The following EFCAB8 variants were observed in gnomAD, a reference collection of about 807,000 sequenced individuals.
The protein encoded by EFCAB8 is EF-hand calcium binding domain 8.
A neutral mutation model predicts 116.3 loss-of-function variants in EFCAB8; 100 were observed. The ratio of observed to expected loss-of-function variants is 0.86; its 90% CI spans 0.73 to 1.02. The LOEUF (loss-of-function observed/expected upper bound fraction) is 1.02. Among genes scored for constraint, EFCAB8 ranks in the 50% least tolerant of loss-of-function variants. The pLI is 0.00. For missense variants in EFCAB8, 1,320 were observed against 1,416.9 expected, an observed-to-expected ratio of 0.93 and a Z score of 1.10; for synonymous variants, 558 against 567.9, an observed-to-expected ratio of 0.98 and a Z score of 0.25.
chr20:32,867,496 G>A, intron 2 of EFCAB8, 86 bp from the exon 3 acceptor site: 1 of 1,403,064 alleles, frequency 7.1e-7, no homozygotes, highest in Admixed American at 2.5e-5. Context: ...CTTTCTCAAA[G>A]AGTCTCTCTT....
At chr20:32,913,232 A>G (rs1000116044) in intron 17 of EFCAB8, among the ~76,000 whole-genome samples, 4 of 152,196 alleles carry the variant, frequency 2.6e-5, no homozygotes, top group Non-Finnish European at 5.9e-5. Flanking sequence ...AGATGGGGGA[A>G]GTTCCAGACA....
rs148774664 is a variant in EFCAB8, at chr20:32,959,061, G to A, written c.3089+511G>A. On this transcript the variant is annotated intron_variant, in intron 24 of 26. Transcript: ENST00000400522. ...CCACTGCATCTTTATTCCTGACCAA[G>A]TCTCCAGTAATTCTGGTTCATTCAA... is the stretch of plus-strand genomic sequence containing the variant. 1.2e-3 allele frequency among the ~76,000 whole-genome samples: 184 copies of A among 152,286 alleles called. 1 individual carries two copies. Among genetic ancestry groups the A allele is most frequent in the African/African-American group, 4.0e-3 (168 of 41,554 alleles).
At chr20:32,928,352 C>T (rs1330497415) in intron 20 of EFCAB8, among the ~76,000 whole-genome samples, 1 of 151,980 alleles carries the variant, frequency 6.6e-6, no homozygotes, top group African/African-American at 2.4e-5. Flanking sequence ...TTTCCTGCCT[C>T]AGCCTCATGG....
intron 20 of EFCAB8, among the ~76,000 whole-genome samples, chr20:32,925,742 T>A (rs1987644706): frequency 6.6e-6 from 1 of 152,222 alleles, no homozygotes; most frequent in Admixed American, 6.5e-5. Context: ...TGCTCCAAGT[T>A]ACATGAAGTT....
At chr20:32,867,180 G>A (rs201012349) in intron 2 of EFCAB8, among the ~76,000 whole-genome samples, 2 of 152,114 alleles carry the variant, frequency 1.3e-5, no homozygotes, top group South Asian at 2.1e-4. Flanking sequence ...TCGGCCTCCC[G>A]AAGTGCTGGG....
intron 12 of EFCAB8, 25 bp from the exon 13 acceptor site, chr20:32,906,818 A>T: frequency 8.4e-7 from 1 of 1,190,330 alleles, no homozygotes; most frequent in Non-Finnish European, 1.2e-6. Flanking sequence ...GGCCCCTGGG[A>T]CTGACACCCA....
intron 23 of EFCAB8, among the ~76,000 whole-genome samples, chr20:32,944,843 C>G (rs1397704919): frequency 6.6e-6 from 1 of 151,948 alleles, no homozygotes; most frequent in East Asian, 1.9e-4. Context: ...ATATAGGTTT[C>G]TTTTCCTTTT....
At chr20:32,885,904 T>TA (rs1191284750) in intron 6 of EFCAB8, among the ~76,000 whole-genome samples, 5 of 152,224 alleles carry the variant, frequency 3.3e-5, no homozygotes, top group African/African-American at 1.2e-4. Context: ...AGGTGTCCCT[T>TA]TAGCTGTCCC....
At chr20:32,877,746 G>A (rs571839588) in intron 4 of EFCAB8, among the ~76,000 whole-genome samples, 1 of 152,312 alleles carries the variant, frequency 6.6e-6, no homozygotes, top group East Asian at 1.9e-4. Context: ...AGTTGCGCCA[G>A]TGGCCCTGGT....
At chr20:32,948,824 A>C (rs1394564786) in intron 23 of EFCAB8, among the ~76,000 whole-genome samples, 1 of 152,186 alleles carries the variant, frequency 6.6e-6, no homozygotes, top group Non-Finnish European at 1.5e-5. Context: ...TTCTGATAAA[A>C]AACATTTAGC....
chr20:32,960,743 C>T lies in EFCAB8; in HGVS notation c.3394-393C>T, dbSNP rs79776594. Among the ~76,000 whole-genome samples, 832 of 152,298 alleles carry T rather than the reference C, an allele frequency of 5.5e-3. 11 individuals carry two copies. Among genetic ancestry groups the T allele is most frequent in the African/African-American group, 0.019 (804 of 41,570 alleles). On this transcript the variant is annotated intron_variant, in intron 26 of 26. Transcript: ENST00000400522. The stretch of plus-strand genomic sequence containing the variant: ...CCCTTAAGAATAAATGAGATAACAC[C>T]GAAGGCCATGCCCCTGCAGGGCCCC...
chr20:32,869,349 T>C (rs563966827), intron 3 of EFCAB8, among the ~76,000 whole-genome samples: 1 of 152,124 alleles, frequency 6.6e-6, no homozygotes, highest in East Asian at 1.9e-4. Flanking sequence ...GATTCTCCTG[T>C]CTCAGCCTCC....
intron 22 of EFCAB8, among the ~76,000 whole-genome samples, chr20:32,935,792 C>T (rs1053550631): frequency 3.3e-5 from 5 of 152,056 alleles, no homozygotes; most frequent in African/African-American, 1.2e-4. Context: ...AGAGTGAGTG[C>T]ACCTGGCCCA....
At chr20:32,889,791 C>T (rs1351731366) in intron 7 of EFCAB8, among the ~76,000 whole-genome samples, 1 of 151,972 alleles carries the variant, frequency 6.6e-6, no homozygotes, top group East Asian at 1.9e-4. Context: ...CACCTGAGGT[C>T]AGGAGTTCAA....
intron 11 of EFCAB8, among the ~76,000 whole-genome samples, chr20:32,904,873 C>T (rs539437862): frequency 1.1e-4 from 16 of 152,030 alleles, no homozygotes; most frequent in South Asian, 6.2e-4. Context: ...GTGATCCGGC[C>T]GCCTTGGTCT....
chr20:32,888,895 T>C (rs34232014), intron 6 of EFCAB8, among the ~76,000 whole-genome samples: 3,931 of 151,654 alleles, frequency 0.026, 83 homozygotes, highest in Non-Finnish European at 0.04. Context: ...CCCATAGAAA[T>C]GTCTTGGAAA....
chr20:32,928,347 TGCCTCA>T (rs1434190868), intron 20 of EFCAB8, among the ~76,000 whole-genome samples: 3 of 152,070 alleles, frequency 2.0e-5, no homozygotes, highest in African/African-American at 7.2e-5. Flanking sequence ...GTGATTTTCC[TGCCTCA>T]GCCTCATGGG....
chr20:32,889,468 G>A lies in EFCAB8; in HGVS notation c.673+62G>A, dbSNP rs1164478892. Reference sequence around the variant, plus strand: ...CACTGGGAGCCATGCATTTGTGCCTGGGAGAAGTCTGTTGGCTGAGCAACT... The same window carrying A: ...CACTGGGAGCCATGCATTTGTGCCTAGGAGAAGTCTGTTGGCTGAGCAACT... On this transcript the variant is annotated intron_variant, in intron 7 of 26. Transcript: ENST00000400522. The A allele has an allele frequency of 4.1e-6, 6 of 1,481,060 alleles. No individual in the cohort carries two copies. In the African/African-American group the frequency reaches 4.2e-5, roughly 10 times the overall value. 91.7% of individuals were successfully genotyped at this position (1,481,060 alleles called of 1,614,324 possible).
chr20:32,948,573 AAAG>A (rs1430076494), intron 23 of EFCAB8, among the ~76,000 whole-genome samples: 1 of 146,122 alleles, frequency 6.8e-6, no homozygotes, highest in Non-Finnish European at 1.5e-5. Context: ...AGAAAGAAAG[AAAG>A]AAAGAAAAGA....
Sources: gnomAD v4.1 joint callset for allele counts (sites outside exome capture counted in the v4.1 genomes callset) on GRCh38, gnomAD v4.1.1 for gene constraint, MANE v1.5 for transcripts, NCBI Gene and HGNC (gene_info 2026-07-23, HGNC 2026-07-21) for gene names.